FLAD1: variants seen among roughly 807,000 people sequenced by gnomAD.
FLAD1 encodes flavin adenine dinucleotide synthetase 1.
A neutral mutation model predicts 55.0 loss-of-function variants in FLAD1; 35 were observed. The observed-to-expected ratio is 0.64, with a 90% CI of 0.49 to 0.84. The LOEUF is 0.84. FLAD1 is among the 40% of genes least tolerant of loss of function. The pLI, the probability that FLAD1 is intolerant of heterozygous loss-of-function variation, is 0.00. For missense variants in FLAD1, 665 were observed against 742.6 expected (o/e 0.90, Z 1.21); for synonymous variants, 267 against 303.0 (o/e 0.88, Z 1.23).
intron 1 of FLAD1, among the ~76,000 whole-genome samples, chr1:154,986,080 C>G (rs1285631401): frequency 6.6e-6 from 1 of 151,660 alleles, no homozygotes; most frequent in Non-Finnish European, 1.5e-5. Context: ...TCCTGCTGCT[C>G]ACGCTGGAGC....
chr1:154,991,260 A>G (rs1222233436), intron 5 of FLAD1: 1 of 146,622 alleles, frequency 6.8e-6, no homozygotes, highest in African/African-American at 2.5e-5. Flanking sequence ...ATATATACAC[A>G]CACACATACA....
At position 154,988,785 on chromosome 1, in the gene FLAD1, G is replaced by A; in HGVS notation, c.1053G>A (p.Leu351=). The A allele has an allele frequency of 1.2e-6, 2 of 1,614,190 alleles. No individual in the cohort carries two copies. The highest frequency in any genetic ancestry group is 1.1e-5 in the South Asian group (1 of 91,078). The change falls in exon 2 of 7, where the codon CTG becomes CTA. Residue 351 remains leucine, a synonymous_variant. Coordinates refer to ENST00000292180, the MANE Select transcript of FLAD1 (RefSeq NM_025207.5). ...CTGCCCGTTTGCCCCAGGGATCGCT[G>A]GTCCCCTACATGCCCAACGCTGTGG... ...YLTARLPQGS[L]VPYMPNAVEQ...
chr1:154,989,125 C>G (rs1452808134), intron 2 of FLAD1: 24 of 728,786 alleles, frequency 3.3e-5, no homozygotes, highest in Non-Finnish European at 5.0e-5. Flanking sequence ...ACAGGTGATC[C>G]TGCATGGGGT....
chr1:154,989,199 A>G (rs1036387571), intron 2 of FLAD1, among the ~76,000 whole-genome samples: 1 of 152,174 alleles, frequency 6.6e-6, no homozygotes, highest in African/African-American at 2.4e-5. Flanking sequence ...AGAAGGCCAA[A>G]TGACATAAAC....
chr1:154,989,991 G>T (rs1398136462), intron 3 of FLAD1, among the ~76,000 whole-genome samples, 168 bp from the exon 4 acceptor site: 1 of 152,142 alleles, frequency 6.6e-6, no homozygotes, highest in Non-Finnish European at 1.5e-5. Context: ...AGAGGTGAAA[G>T]GTCAGAGTGG....
intron 5 of FLAD1, chr1:154,992,467 C>A: frequency 1.0e-5 from 11 of 1,089,448 alleles, no homozygotes; most frequent in Non-Finnish European, 1.3e-5. Context: ...CGGTTTCTCC[C>A]TGTCCTCAAG....
At chr1:154,991,728 G>A (rs1333597595) in intron 5 of FLAD1, among the ~76,000 whole-genome samples, 1 of 151,742 alleles carries the variant, frequency 6.6e-6, no homozygotes, top group African/African-American at 2.4e-5. Flanking sequence ...GCTGATCAAT[G>A]CCTGTAGTCC....
At position 154,988,439 on chromosome 1, in the gene FLAD1, G is replaced by A; in HGVS notation, c.707G>A (p.Cys236Tyr). The stretch of plus-strand genomic sequence containing the variant: ...CGCCTGCATTATGGCACAGATCCTT[G>A]CACTGGTCAACCTTTCAGATTCCCT... ...SARLHYGTDP[C>Y]TGQPFRFPLV... is the part of the protein sequence containing the mutation. The change falls in exon 2 of 7, where the codon TGC becomes TAC. Residue 236 changes from cysteine (C) to tyrosine (Y), a missense_variant. Physicochemically the swap from Cys to Tyr is radical, Grantham distance 194. Transcript: ENST00000292180. The A allele has an allele frequency of 6.2e-7, 1 of 1,614,220 alleles. No individual in the cohort carries two copies. Among genetic ancestry groups the A allele is most frequent in the Non-Finnish European group, 8.5e-7 (1 of 1,180,046 alleles).
chr1:154,988,794 C>T lies in FLAD1; in HGVS notation c.1062C>T (p.Tyr354=). ...TGCCCCAGGGATCGCTGGTCCCCTACATGCCCAACGCTGTGGAGCAGGCCA... is the reference window on the plus strand; with the variant it reads ...TGCCCCAGGGATCGCTGGTCCCCTATATGCCCAACGCTGTGGAGCAGGCCA... ...ARLPQGSLVP[Y]MPNAVEQASE... Residue 354 remains tyrosine, a synonymous_variant, in exon 2 of 7, where the codon TAC becomes TAT. Coordinates refer to ENST00000292180, the MANE Select transcript of FLAD1 (RefSeq NM_025207.5). 6.2e-7 allele frequency: 1 copy of T among 1,614,232 alleles called. No homozygotes were observed.
rs1657422037 is a variant in FLAD1, at chr1:154,983,592, A to G, written c.-103A>G. On this transcript the variant is annotated 5_prime_UTR_variant, in exon 1 of 7. Coordinates refer to ENST00000292180, the MANE Select transcript of FLAD1 (RefSeq NM_025207.5). ...TACGGATGCCCAAGGTAGAGCAGAC[A>G]CTTGAGGAGACCAGCTCAGCAAACG... The G allele has an allele frequency of 7.9e-7, 1 of 1,265,148 alleles. No homozygotes were observed. Among genetic ancestry groups the G allele is most frequent in the Non-Finnish European group, 1.1e-6 (1 of 911,984 alleles). 78.4% of individuals were successfully genotyped at this position (1,265,148 alleles called of 1,614,324 possible). A position where few individuals can be genotyped will look rare whatever the true frequency, so the allele number is the denominator to read the frequency against.
At position 154,983,384 on chromosome 1, in the gene FLAD1, G is replaced by C; in HGVS notation, c.-311G>C. 3.9e-6 allele frequency: 1 copy of C among 254,894 alleles called. No individual in the cohort carries two copies. The highest frequency in any genetic ancestry group is 7.5e-6 in the Non-Finnish European group (1 of 133,236). The allele number at this position is 254,894 out of a possible 1,614,324, so 15.8% of individuals were successfully genotyped here. On this transcript the variant is annotated 5_prime_UTR_variant, in exon 1 of 7. Transcript: ENST00000292180. ...GAACAAGGGAAAGAGCCGGTGAAGG[G>C]GCAGAACAGGCAGGTGAGAGTCTAA...
chr1:154,989,095 C>A, intron 2 of FLAD1: 3 of 950,098 alleles, frequency 3.2e-6, no homozygotes, highest in Admixed American at 2.9e-5. Flanking sequence ...AGTGTTTTAA[C>A]AAAAAAAGAT....
chr1:154,985,978 A>G (rs1360040430), intron 1 of FLAD1, among the ~76,000 whole-genome samples: 2 of 151,190 alleles, frequency 1.3e-5, no homozygotes, highest in Non-Finnish European at 2.9e-5. Context: ...CACCCGCTTC[A>G]GCCTCCCAAA....
rs1657696173 is a variant in FLAD1, at chr1:154,988,093, T to A, written c.373-12T>A. ...CAGTACTGATGGCCTCATCTTCCCC[T>A]TCAACCCCCAGGGACACACTCAGGA... On this transcript the variant is annotated splice_polypyrimidine_tract_variant and intron_variant, in intron 1 of 6. Coordinates refer to ENST00000292180, the MANE Select transcript of FLAD1 (RefSeq NM_025207.5). The A allele has an allele frequency of 1.2e-6, 2 of 1,614,016 alleles. No homozygotes were observed. The highest frequency in any genetic ancestry group is 1.7e-6 in the Non-Finnish European group (2 of 1,180,022).
At position 154,989,659 on chromosome 1, in the gene FLAD1, G is replaced by A. The variant is rs753687017; in HGVS notation, c.1217G>A (p.Gly406Asp). 6.3e-7 allele frequency: 1 copy of A among 1,594,610 alleles called. No individual in the cohort carries two copies. Among genetic ancestry groups the A allele is most frequent in the Non-Finnish European group, 8.6e-7 (1 of 1,169,142 alleles). Residue 406 changes from glycine to aspartate, a missense_variant, in exon 3 of 7, where the codon GGC becomes GAC. By Grantham distance (94) the Gly-to-Asp change is moderately conservative. Transcript: ENST00000292180. ...CAGCTCTGTGTGGGCTTCAACGGGG[G>A]CAAAGACTGCACTGCCCTCCTGCAC... ...LTQLCVGFNGGKDCTALLHLF... is the reference protein window; with the variant it reads ...LTQLCVGFNGDKDCTALLHLF...
In FLAD1 at chr1:154,988,091, C is replaced by G. The variant is rs780088175; in HGVS notation, c.373-14C>G. ...TACAGTACTGATGGCCTCATCTTCCCCTTCAACCCCCAGGGACACACTCAG... is the reference window on the plus strand; with the variant it reads ...TACAGTACTGATGGCCTCATCTTCCGCTTCAACCCCCAGGGACACACTCAG... On this transcript the variant is annotated splice_polypyrimidine_tract_variant and intron_variant, in intron 1 of 6. Coordinates refer to ENST00000292180, the MANE Select transcript of FLAD1 (RefSeq NM_025207.5). 2.5e-6 allele frequency: 4 copies of G among 1,614,046 alleles called. No individual in the cohort carries two copies. Among genetic ancestry groups the G allele is most frequent in the Non-Finnish European group, 3.4e-6 (4 of 1,180,030 alleles).
chr1:154,988,995 ATGT>A lies in FLAD1; in HGVS notation c.1117+149_1117+151del, dbSNP rs1657747412. 3 of 1,480,514 alleles carry A rather than the reference ATGT, an allele frequency of 2.0e-6. No individual in the cohort carries two copies. The Admixed American group carries it at 6.7e-5, about 33-fold the overall frequency. The allele number at this position is 1,480,514 out of a possible 1,614,324, so 91.7% of individuals were successfully genotyped here. On this transcript the variant is annotated intron_variant, in intron 2 of 6. Coordinates refer to ENST00000292180, the MANE Select transcript of FLAD1 (RefSeq NM_025207.5). ...TGTTAATTCATTATTCTTCCAATAAATGTTGATTGAGTACCTATTTTCATCAGC... is the reference window on the plus strand; with the variant it reads ...TGTTAATTCATTATTCTTCCAATAAATGATTGAGTACCTATTTTCATCAGC...
intron 5 of FLAD1, among the ~76,000 whole-genome samples, chr1:154,991,499 G>A (rs895947668): frequency 6.6e-6 from 1 of 151,858 alleles, no homozygotes; most frequent in Non-Finnish European, 1.5e-5. Flanking sequence ...AGGTTGCAGT[G>A]AGCCAAGATG....
chr1:154,989,780 G>C, intron 3 of FLAD1, 73 bp downstream of exon 3: 15 of 1,440,728 alleles, frequency 1.0e-5, no homozygotes, highest in Non-Finnish European at 1.4e-5. Context: ...CAAGGAGAAA[G>C]GGGGTGTACA....
Sources: allele counts gnomAD v4.1 joint callset (sites outside exome capture counted in the v4.1 genomes callset), GRCh38; gene constraint gnomAD v4.1.1; transcripts MANE v1.5; gene names NCBI Gene and HGNC (gene_info 2026-07-23, HGNC 2026-07-21).